Variants in KCNT2 observed in about 807,000 individuals in gnomAD.
KCNT2 encodes the protein potassium channel subfamily T member 2.
A neutral mutation model predicts 153.8 loss-of-function variants in KCNT2; 67 were observed. That is an observed-to-expected ratio of 0.44 (90% CI 0.36 to 0.53). KCNT2 has a LOEUF of 0.53. Ranked by LOEUF, KCNT2 falls within the 20% of genes least tolerant of loss-of-function variation. KCNT2 has a pLI of 0.00. For synonymous variants in KCNT2, 500 were observed against 458.8 expected (o/e 1.09, Z -1.15); for missense variants, 975 against 1,354.8 (o/e 0.72, Z 4.40).
At chr1:196,283,535 T>G (rs1659328750) in intron 23 of KCNT2, among the ~76,000 whole-genome samples, 1 of 152,162 alleles carries the variant, frequency 6.6e-6, no homozygotes, top group African/African-American at 2.4e-5. Context: ...TCTCTTATAT[T>G]ATTGGAAAGG....
chr1:196,537,326 C>T (rs1391798210), intron 1 of KCNT2, among the ~76,000 whole-genome samples: 2 of 152,314 alleles, frequency 1.3e-5, no homozygotes, highest in Middle Eastern at 6.8e-3. Flanking sequence ...GCAAACTGTT[C>T]CTTGCTTTCT....
chr1:196,241,004 C>T (rs959076318), intron 26 of KCNT2, among the ~76,000 whole-genome samples: 16 of 149,626 alleles, frequency 1.1e-4, no homozygotes, highest in Non-Finnish European at 2.2e-4. Flanking sequence ...GTAAAAGGGG[C>T]GAGGAAGAGA....
chr1:196,427,058 C>A (rs1673717524), intron 10 of KCNT2, among the ~76,000 whole-genome samples: 1 of 151,894 alleles, frequency 6.6e-6, no homozygotes, highest in East Asian at 1.9e-4. Flanking sequence ...TGAGAGCAGG[C>A]TAATACACCA....
chr1:196,342,746 T>C (rs879350618), intron 14 of KCNT2, among the ~76,000 whole-genome samples: 3 of 152,054 alleles, frequency 2.0e-5, no homozygotes, highest in Non-Finnish European at 1.5e-5. Flanking sequence ...AAAATATACC[T>C]TTAGTTTTTG....
At chr1:196,465,149 T>TGTA in intron 8 of KCNT2, 144 bp downstream of exon 8, 1 of 576,320 alleles carries the variant, frequency 1.7e-6, no homozygotes, top group East Asian at 2.9e-5. Context: ...CTTTTTCTTC[T>TGTA]GTAGGCGATC....
chr1:196,299,445 T>C (rs1660977562), intron 22 of KCNT2, among the ~76,000 whole-genome samples: 2 of 152,116 alleles, frequency 1.3e-5, no homozygotes, highest in South Asian at 4.1e-4. Flanking sequence ...GTTACCAAGA[T>C]GGCAGAATAG....
intron 25 of KCNT2, among the ~76,000 whole-genome samples, chr1:196,268,967 T>A (rs1385632696): frequency 6.6e-6 from 1 of 152,040 alleles, no homozygotes; most frequent in Non-Finnish European, 1.5e-5. Context: ...AATCATTAGA[T>A]CTAGGTAAAA....
intron 1 of KCNT2, among the ~76,000 whole-genome samples, chr1:196,500,446 A>G (rs1325984630): frequency 6.6e-6 from 1 of 152,212 alleles, no homozygotes; most frequent in African/African-American, 2.4e-5. Flanking sequence ...TTGCCTTCTT[A>G]GCAAGTTGAG....
intron 12 of KCNT2, among the ~76,000 whole-genome samples, chr1:196,399,564 T>C (rs1671238483): frequency 6.6e-6 from 1 of 151,814 alleles, no homozygotes; most frequent in Non-Finnish European, 1.5e-5. Flanking sequence ...AAGTTCTATT[T>C]GACAGCACTA....
intron 3 of KCNT2, among the ~76,000 whole-genome samples, chr1:196,484,706 G>A (rs191369153): frequency 2.4e-4 from 36 of 152,094 alleles, no homozygotes; most frequent in African/African-American, 8.4e-4. Context: ...TTTTGTATAA[G>A]GTATAAGGAA....
intron 8 of KCNT2, among the ~76,000 whole-genome samples, chr1:196,434,405 A>G (rs1313988375): frequency 3.3e-5 from 5 of 151,952 alleles, no homozygotes; most frequent in African/African-American, 9.7e-5. Flanking sequence ...TAATTCAAAT[A>G]TATATTTTCT....
intron 8 of KCNT2, among the ~76,000 whole-genome samples, chr1:196,464,618 A>G (rs1677445791): frequency 6.6e-6 from 1 of 151,938 alleles, no homozygotes; most frequent in Admixed American, 6.6e-5. Context: ...TTCCTGCAAC[A>G]AAAACATATT....
At chr1:196,575,811 C>T (rs1301331857) in intron 1 of KCNT2, among the ~76,000 whole-genome samples, 1 of 151,312 alleles carries the variant, frequency 6.6e-6, no homozygotes, top group Non-Finnish European at 1.5e-5. Flanking sequence ...AACCCGGTCT[C>T]TACTAAAAAT....
intron 26 of KCNT2, among the ~76,000 whole-genome samples, chr1:196,243,337 T>C (rs1655127118): frequency 6.6e-6 from 1 of 152,070 alleles, no homozygotes; most frequent in South Asian, 2.1e-4. Flanking sequence ...GAACACCAAA[T>C]TGAACAACTA....
chr1:196,262,478 T>C (rs1188767844), intron 25 of KCNT2, among the ~76,000 whole-genome samples: 1 of 152,010 alleles, frequency 6.6e-6, no homozygotes, highest in Non-Finnish European at 1.5e-5. Flanking sequence ...AATGTGCTAG[T>C]TTAACATTTT....
intron 1 of KCNT2, among the ~76,000 whole-genome samples, chr1:196,510,703 T>C (rs1198625723): frequency 6.6e-6 from 1 of 152,194 alleles, no homozygotes. Context: ...ACCCAGATTC[T>C]CCTTCATCAG....
At chr1:196,287,440 A>AAAAC (rs56394042) in intron 22 of KCNT2, among the ~76,000 whole-genome samples, 3,835 of 151,024 alleles carry the variant, frequency 0.025, 71 homozygotes, top group African/African-American at 0.059. Flanking sequence ...TTTACTCTTC[A>AAAAC]AAACAAACAA....
At chr1:196,454,612 A>C (rs1676496409) in intron 8 of KCNT2, among the ~76,000 whole-genome samples, 1 of 151,822 alleles carries the variant, frequency 6.6e-6, no homozygotes, top group Admixed American at 6.6e-5. Flanking sequence ...ATGGGCACCC[A>C]TCTGTGCCCA....
intron 1 of KCNT2, among the ~76,000 whole-genome samples, chr1:196,521,539 GAATCA>G (rs1304086131): frequency 1.3e-5 from 2 of 152,046 alleles, no homozygotes; most frequent in African/African-American, 4.8e-5. Context: ...CAAAGGCATG[GAATCA>G]ACATAAATGT....
Sources: gnomAD v4.1 joint callset for allele counts (sites outside exome capture counted in the v4.1 genomes callset) on GRCh38, gnomAD v4.1.1 for gene constraint, MANE v1.5 for transcripts, NCBI Gene and HGNC (gene_info 2026-07-23, HGNC 2026-07-21) for gene names.